Variants in ADGRL1 observed in about 807,000 individuals in gnomAD.
ADGRL1 encodes the protein CIRL-1.
In ADGRL1, 31 loss-of-function variants were observed where a neutral mutation model predicts 148.9. The observed-to-expected ratio is 0.21, with a 90% CI of 0.16 to 0.28. The LOEUF is 0.28. Among genes scored for constraint, ADGRL1 ranks in the 10% least tolerant of loss-of-function variants. ADGRL1 has a pLI of 1.00. For missense variants in ADGRL1, 1,521 were observed against 2,058.8 expected, an observed-to-expected ratio of 0.74 and a Z score of 5.05; for synonymous variants, 937 against 900.3, an observed-to-expected ratio of 1.04 and a Z score of -0.73.
chr19:14,161,301 T>C lies in ADGRL1; in HGVS notation c.1510+11A>G, dbSNP rs1335090306. 1.3e-6 allele frequency: 2 copies of C among 1,568,768 alleles called. No individual in the cohort carries two copies. Among genetic ancestry groups the C allele is most frequent in the South Asian group, 2.3e-5 (2 of 85,886 alleles). On this transcript the variant is annotated intron_variant, in intron 6 of 22. Transcript: ENST00000361434. The surrounding 1 kb of genome is among the most constrained non-coding windows in gnomAD (Gnocchi z 4.4). ...CCCCATCCCTCCCCTGGCTGCAGCC[T>C]CTGTACTCACCTCGAGTCCCCTTGG...
chr19:14,180,149 T>C (rs943293652), intron 2 of ADGRL1, among the ~76,000 whole-genome samples: 1 of 152,154 alleles, frequency 6.6e-6, no homozygotes, highest in Non-Finnish European at 1.5e-5. Context: ...TTGTCACACA[T>C]TGTTGCCGGG....
intron 1 of ADGRL1, among the ~76,000 whole-genome samples, chr19:14,200,453 T>C (rs1244229683): frequency 6.6e-6 from 1 of 152,244 alleles, no homozygotes; most frequent in African/African-American, 2.4e-5. Flanking sequence ...CCTGCCTTTG[T>C]ACAGCTGGTG....
In ADGRL1 at chr19:14,160,074, C is replaced by A. The variant is rs752936218; in HGVS notation, c.1800+38G>T. 1.3e-6 allele frequency: 2 copies of A among 1,536,938 alleles called. No homozygotes were observed. Among genetic ancestry groups the A allele is most frequent in the African/African-American group, 1.4e-5 (1 of 73,202 alleles). ...TTCCCAAGCCCCTGGGGGCAGGCGC[C>A]CTCCCCATACCAGGTCAGCGCCACC... On this transcript the variant is annotated intron_variant, in intron 8 of 22. Transcript: ENST00000361434. This position sits in a 1 kb window ranked among gnomAD's most constrained non-coding sequence, Gnocchi z 5.9.
chr19:14,189,600 G>A (rs1334232323), intron 1 of ADGRL1, among the ~76,000 whole-genome samples: 3 of 152,108 alleles, frequency 2.0e-5, no homozygotes, highest in East Asian at 1.9e-4. Context: ...GCCTGGATCC[G>A]AGCTTCATTC....
At chr19:14,182,683 T>A (rs1049309246) in intron 2 of ADGRL1, among the ~76,000 whole-genome samples, 2 of 152,136 alleles carry the variant, frequency 1.3e-5, no homozygotes, top group Non-Finnish European at 2.9e-5. Flanking sequence ...CTGGCTCAGA[T>A]GGGTCTGGGG....
intron 3 of ADGRL1, among the ~76,000 whole-genome samples, chr19:14,174,964 T>C (rs1970720094): frequency 6.6e-6 from 1 of 150,842 alleles, no homozygotes; most frequent in African/African-American, 2.4e-5. Context: ...GCATCGGTCA[T>C]CTGAGTAGCT....
At chr19:14,191,870 A>AT (rs1247207545) in intron 1 of ADGRL1, among the ~76,000 whole-genome samples, 2 of 150,976 alleles carry the variant, frequency 1.3e-5, no homozygotes, top group Admixed American at 6.6e-5. Context: ...TACTTTTTCG[A>AT]TTTTTTTTGT....
In ADGRL1 at chr19:14,155,977, T is replaced by C; in HGVS notation, c.3125+133A>G. ...CATAGTGAACACAATAGAACACCCC[T>C]GTTGGTACTTAAAATTGCAATGTGT... On this transcript the variant is annotated intron_variant, in intron 17 of 22. Coordinates refer to ENST00000361434, the MANE Select transcript of ADGRL1 (RefSeq NM_014921.5). This position sits in a 1 kb window ranked among gnomAD's most constrained non-coding sequence, Gnocchi z 5.0. The C allele has an allele frequency of 1.5e-6, 1 of 684,090 alleles. No homozygotes were observed. The allele number at this position is 684,090 out of a possible 1,614,324, so 42.4% of individuals were successfully genotyped here.
At chr19:14,156,254 G>C (rs1968732394) in intron 16 of ADGRL1, 53 bp from the exon 17 acceptor site, 1 of 1,390,012 alleles carries the variant, frequency 7.2e-7, no homozygotes, top group Non-Finnish European at 1.0e-6. Context: ...GCCTCCCTCA[G>C]TGAGCACTGA....
At position 14,177,295 on chromosome 19, in the gene ADGRL1, G is replaced by T. The variant is rs1970888767; in HGVS notation, c.284+236C>A. Among the ~76,000 whole-genome samples the T allele has an allele frequency of 2.0e-5, 3 of 152,288 alleles. No individual in the cohort carries two copies. The South Asian group carries it at 6.2e-4, about 32-fold the overall frequency. On this transcript the variant is annotated intron_variant, in intron 3 of 22. Transcript: ENST00000361434. ...GTTATGGAAGCAAGAGGCTGGTGGG[G>T]GGAGGGACTTCCCAGTGTATGTATG...
Position 14,151,021 on chromosome 19 carries a change from G to C in ADGRL1, c.4262C>G (p.Ser1421Trp), listed in dbSNP as rs763242814. The C allele has an allele frequency of 2.6e-6, 4 of 1,557,720 alleles. No homozygotes were observed. The change falls in exon 23 of 23, where the codon TCG (serine) becomes TGG (tryptophan). Residue 1421 changes from serine to tryptophan, a missense_variant. Physicochemically the swap from Ser to Trp is radical, Grantham distance 177. Around this residue, in one of 8 missense-constraint regions of ADGRL1, gnomAD observed 390 missense variants for 375.0 expected, o/e 1.04. Coordinates refer to ENST00000361434, the MANE Select transcript of ADGRL1 (RefSeq NM_014921.5). ...PPGPPEIYYT[S>W]RPPALVARNP... The stretch of plus-strand genomic sequence containing the variant: ...CCGGGCCACCAGGGCTGGCGGGCGC[G>C]AGGTGTAGTAGATTTCGGGGGGGCC...
intron 1 of ADGRL1, among the ~76,000 whole-genome samples, chr19:14,191,738 C>T (rs1971955422): frequency 6.6e-6 from 1 of 151,082 alleles, no homozygotes; most frequent in Non-Finnish European, 1.5e-5. Context: ...CTCTCTTGCT[C>T]AGGCTGGAGT....
At chr19:14,153,035 GT>G in intron 18 of ADGRL1, 123 bp from the exon 19 acceptor site, 2 of 1,143,054 alleles carry the variant, frequency 1.7e-6, no homozygotes, top group Non-Finnish European at 2.5e-6. Flanking sequence ...CAATGACTGT[GT>G]TCCCCTGTTC....
At chr19:14,200,321 G>T (rs1288038244) in intron 1 of ADGRL1, among the ~76,000 whole-genome samples, 1 of 152,166 alleles carries the variant, frequency 6.6e-6, no homozygotes, top group African/African-American at 2.4e-5. Flanking sequence ...TGCAGGACTC[G>T]CCTTGTACTT....
intron 2 of ADGRL1, among the ~76,000 whole-genome samples, chr19:14,180,263 C>G (rs1262072697): frequency 6.6e-6 from 1 of 151,846 alleles, no homozygotes. Context: ...TGCCTGACTT[C>G]TATTTGTTTT....
At chr19:14,167,269 G>T (rs1351287858) in intron 4 of ADGRL1, among the ~76,000 whole-genome samples, 1 of 152,048 alleles carries the variant, frequency 6.6e-6, no homozygotes, top group Non-Finnish European at 1.5e-5. Flanking sequence ...TGGGGAGACA[G>T]TCAGAGGGAC....
chr19:14,158,987 T>TCAGCAC, intron 11 of ADGRL1, 103 bp downstream of exon 11: 2 of 1,397,314 alleles, frequency 1.4e-6, no homozygotes, highest in Admixed American at 3.8e-5. Context: ...TGAGAAAAGG[T>TCAGCAC]CAGCACCGCT....
chr19:14,198,548 T>C (rs990611853), intron 1 of ADGRL1, among the ~76,000 whole-genome samples: 6 of 151,990 alleles, frequency 3.9e-5, no homozygotes, highest in Admixed American at 6.6e-5. Context: ...TAGAGGGAGC[T>C]CATGCTAAAC....
chr19:14,155,536 G>A lies in ADGRL1; in HGVS notation c.3126-9C>T. On this transcript the variant is annotated splice_polypyrimidine_tract_variant and intron_variant, in intron 17 of 22. Transcript: ENST00000361434. This position sits in a 1 kb window ranked among gnomAD's most constrained non-coding sequence, Gnocchi z 5.0. ...CCCCCAGCGCCCAGGATCTGGGAGT[G>A]GGGCGACAGGGGAGTCAAAGTACCC... 2 of 1,612,912 alleles carry A rather than the reference G, an allele frequency of 1.2e-6. No individual in the cohort carries two copies. The highest frequency in any genetic ancestry group is 2.2e-5 in the East Asian group (1 of 44,872).
Sources: allele counts gnomAD v4.1 joint callset (sites outside exome capture counted in the v4.1 genomes callset), GRCh38; gene constraint gnomAD v4.1.1; regional missense constraint gnomAD v4.1.1; non-coding constraint Gnocchi (gnomAD v3.1); transcripts MANE v1.5; gene names NCBI Gene and HGNC (gene_info 2026-07-23, HGNC 2026-07-21).